Variants in ST6GALNAC3 observed in about 807,000 individuals in gnomAD.
ST6GALNAC3 encodes the protein alpha-N-acetylgalactosaminide alpha-2,6-sialyltransferase 3.
ST6GALNAC3 carries 25 observed loss-of-function variants against 32.7 expected under a neutral mutation model. The ratio of observed to expected loss-of-function variants is 0.76; its 90% CI spans 0.56 to 1.07. The LOEUF (loss-of-function observed/expected upper bound fraction) is 1.07, where lower values mean the gene tolerates loss of function less well. Among genes scored for constraint, ST6GALNAC3 ranks in the 50% least tolerant of loss-of-function variants. The pLI, the probability that ST6GALNAC3 is intolerant of heterozygous loss-of-function variation, is 0.00. For missense variants in ST6GALNAC3, 355 were observed against 382.4 expected (o/e 0.93, Z 0.60); for synonymous variants, 129 against 133.1 (o/e 0.97, Z 0.21).
intron 3 of ST6GALNAC3, among the ~76,000 whole-genome samples, chr1:76,583,084 C>T (rs1370928113): frequency 5.9e-5 from 9 of 152,164 alleles, no homozygotes; most frequent in Non-Finnish European, 1.3e-4. Flanking sequence ...CCAGCATACT[C>T]TGAGCCAATG....
intron 1 of ST6GALNAC3, among the ~76,000 whole-genome samples, chr1:76,282,786 T>C (rs941027319): frequency 3.3e-5 from 5 of 151,718 alleles, no homozygotes; most frequent in Non-Finnish European, 1.5e-5. Context: ...CCCAGCACTT[T>C]GGGAGGCCAA....
chr1:76,257,323 G>A (rs993282350), intron 1 of ST6GALNAC3, among the ~76,000 whole-genome samples: 1 of 152,006 alleles, frequency 6.6e-6, no homozygotes, highest in Non-Finnish European at 1.5e-5. Context: ...TGACACTGAC[G>A]GGACTTATAA....
At chr1:76,141,670 G>A (rs1284180167) in intron 1 of ST6GALNAC3, among the ~76,000 whole-genome samples, 1 of 152,046 alleles carries the variant, frequency 6.6e-6, no homozygotes. Context: ...TTTAAGCCAA[G>A]ATTTATAACA....
At position 76,088,838 on chromosome 1, in the gene ST6GALNAC3, A is replaced by C. The variant is rs1571119736; in HGVS notation, c.18+13954A>C. Among the ~76,000 whole-genome samples, 6 of 152,356 alleles carry C rather than the reference A, an allele frequency of 3.9e-5. 1 individual carries two copies. Among genetic ancestry groups the C allele is most frequent in the Admixed American group, 3.9e-4 (6 of 15,306 alleles). On this transcript the variant is annotated intron_variant, in intron 1 of 4. Transcript: ENST00000328299. The stretch of plus-strand genomic sequence containing the variant: ...TAAATGAATTAATTTTAGGCAAAAA[A>C]ATTAGCATGTGCAAAGATCCGGTGG...
intron 3 of ST6GALNAC3, among the ~76,000 whole-genome samples, chr1:76,547,717 G>A (rs1189597319): frequency 1.3e-5 from 2 of 152,038 alleles, no homozygotes; most frequent in East Asian, 1.9e-4. Context: ...AGCTGGGTGC[G>A]GTGGCAGGTG....
chr1:76,324,286 A>G (rs951325181), intron 2 of ST6GALNAC3, among the ~76,000 whole-genome samples: 1 of 152,242 alleles, frequency 6.6e-6, no homozygotes, highest in African/African-American at 2.4e-5. Flanking sequence ...ATATTCTCCC[A>G]TTCCTTAAAT....
Position 76,142,987 on chromosome 1 carries a change from C to T in ST6GALNAC3, c.18+68103C>T, listed in dbSNP as rs552608849. 1.6e-4 allele frequency: 64 copies of T among 395,086 alleles called. 1 individual carries two copies. The highest frequency in any genetic ancestry group is 7.1e-4 in the Middle Eastern group (2 of 2,804). 24.5% of individuals were successfully genotyped at this position (395,086 alleles called of 1,614,324 possible). A position where few individuals can be genotyped will look rare whatever the true frequency, so the allele number is the denominator to read the frequency against. ...GAAAGTGTTGGCCCACAGCCAGAACCGGCAGAGGGCAAAGGAGGGATTACT... is the reference window on the plus strand; with the variant it reads ...GAAAGTGTTGGCCCACAGCCAGAACTGGCAGAGGGCAAAGGAGGGATTACT... On this transcript the variant is annotated intron_variant, in intron 1 of 4. Coordinates refer to ENST00000328299, the MANE Select transcript of ST6GALNAC3 (RefSeq NM_152996.4).
intron 1 of ST6GALNAC3, among the ~76,000 whole-genome samples, chr1:76,302,506 A>G (rs1192931569): frequency 2.6e-5 from 4 of 152,012 alleles, no homozygotes; most frequent in Non-Finnish European, 4.4e-5. Flanking sequence ...TTAGACTCCC[A>G]TCTTACTTTT....
chr1:76,558,976 T>G (rs1486449443), intron 3 of ST6GALNAC3, among the ~76,000 whole-genome samples: 1 of 152,168 alleles, frequency 6.6e-6, no homozygotes, highest in Non-Finnish European at 1.5e-5. Flanking sequence ...GTGCTGAGTT[T>G]TCAGTAAAGC....
At chr1:76,221,142 T>C (rs1655744626) in intron 1 of ST6GALNAC3, among the ~76,000 whole-genome samples, 1 of 152,006 alleles carries the variant, frequency 6.6e-6, no homozygotes, top group African/African-American at 2.4e-5. Flanking sequence ...AAGTGATGGG[T>C]GGAATGGATG....
intron 1 of ST6GALNAC3, among the ~76,000 whole-genome samples, chr1:76,120,284 C>A (rs1418334709): frequency 1.3e-5 from 2 of 152,120 alleles, no homozygotes; most frequent in African/African-American, 4.8e-5. Context: ...TGGATGTGTC[C>A]AGAGTGATCT....
intron 1 of ST6GALNAC3, among the ~76,000 whole-genome samples, chr1:76,221,834 A>G (rs1655790279): frequency 1.3e-5 from 2 of 152,166 alleles, no homozygotes. Flanking sequence ...TATTGGCATA[A>G]GAGTTATTAA....
chr1:76,453,257 T>G (rs193073438), intron 3 of ST6GALNAC3, among the ~76,000 whole-genome samples: 1 of 152,264 alleles, frequency 6.6e-6, no homozygotes, highest in African/African-American at 2.4e-5. Flanking sequence ...CTTTTGTATT[T>G]TTTTTGTTTC....
chr1:76,082,682 A>G (rs913067301), intron 1 of ST6GALNAC3, among the ~76,000 whole-genome samples: 1 of 152,104 alleles, frequency 6.6e-6, no homozygotes, highest in Admixed American at 6.5e-5. Context: ...CAGCAGCCCT[A>G]GGGTAGGTGA....
chr1:76,609,178 A>T (rs1647757862), intron 3 of ST6GALNAC3, among the ~76,000 whole-genome samples: 1 of 152,040 alleles, frequency 6.6e-6, no homozygotes, highest in African/African-American at 2.4e-5. Flanking sequence ...GTTTCTTTCC[A>T]CTATTTATAA....
At chr1:76,140,867 G>C (rs1410124432) in intron 1 of ST6GALNAC3, among the ~76,000 whole-genome samples, 1 of 148,110 alleles carries the variant, frequency 6.8e-6, no homozygotes, top group Non-Finnish European at 1.5e-5. Flanking sequence ...CAAACTCCTG[G>C]CTTAAAGTAA....
intron 2 of ST6GALNAC3, among the ~76,000 whole-genome samples, chr1:76,354,402 T>C (rs956447086): frequency 5.9e-5 from 9 of 152,320 alleles, no homozygotes; most frequent in Admixed American, 2.6e-4. Context: ...GAGACCTGTT[T>C]CTTCATTCAC....
chr1:76,597,560 T>C (rs1419571986), intron 3 of ST6GALNAC3, among the ~76,000 whole-genome samples: 1 of 152,150 alleles, frequency 6.6e-6, no homozygotes, highest in East Asian at 1.9e-4. Context: ...TTTGTTCTAC[T>C]TCCCCACAAG....
chr1:76,635,417 A>ATTCAGT (rs1369677965), downstream of ST6GALNAC3, among the ~76,000 whole-genome samples: 9 of 152,330 alleles, frequency 5.9e-5, no homozygotes, highest in East Asian at 1.7e-3. Flanking sequence ...TGTGTATCTC[A>ATTCAGT]TTCAGTTCCC....
Sources: allele counts gnomAD v4.1 joint callset (sites outside exome capture counted in the v4.1 genomes callset), GRCh38; gene constraint gnomAD v4.1.1; transcripts MANE v1.5; gene names NCBI Gene and HGNC (gene_info 2026-07-23, HGNC 2026-07-21).